The following SORT1 variants were observed in gnomAD, a reference collection of about 807,000 sequenced individuals.
SORT1 encodes sortilin.
SORT1 carries 39 observed loss-of-function variants against 101.7 expected under a neutral mutation model. That is an observed-to-expected ratio of 0.38 (90% CI 0.30 to 0.50). The LOEUF is 0.50. SORT1 is among the 20% of genes least tolerant of loss of function. SORT1 has a pLI of 0.90. For missense variants in SORT1, 878 were observed against 1,040.4 expected (o/e 0.84, Z 2.15); for synonymous variants, 396 against 393.7 (o/e 1.01, Z -0.07).
intron 1 of SORT1, among the ~76,000 whole-genome samples, chr1:109,384,703 G>A (rs965157847): frequency 1.3e-5 from 2 of 152,182 alleles, no homozygotes; most frequent in Non-Finnish European, 2.9e-5. Flanking sequence ...TGGAGGCTGT[G>A]AAGTCCAAGA....
intron 3 of SORT1, among the ~76,000 whole-genome samples, chr1:109,361,014 C>G (rs962770454): frequency 6.6e-6 from 1 of 152,210 alleles, no homozygotes; most frequent in African/African-American, 2.4e-5. Flanking sequence ...ATGCTAATCT[C>G]TTTATCAAAT....
chr1:109,320,796 T>C (rs1288805058), intron 15 of SORT1, among the ~76,000 whole-genome samples: 2 of 152,248 alleles, frequency 1.3e-5, no homozygotes, highest in Non-Finnish European at 2.9e-5. Flanking sequence ...TGGATGCTGC[T>C]TGTATTTCAA....
At position 109,314,782 on chromosome 1, in the gene SORT1, G is replaced by A. The variant is rs1557775582; in HGVS notation, c.2251-4C>T. On this transcript the variant is annotated splice_polypyrimidine_tract_variant and splice_region_variant and intron_variant, in intron 17 of 19. Transcript: ENST00000256637. ...GAACAGAATTTGACTTGGAATTCTTGAGAAATTAAAACACAAACACAAAAG... is the reference window on the plus strand; with the variant it reads ...GAACAGAATTTGACTTGGAATTCTTAAGAAATTAAAACACAAACACAAAAG... The A allele has an allele frequency of 3.8e-6, 6 of 1,571,062 alleles. No individual in the cohort carries two copies. The highest frequency in any genetic ancestry group is 5.3e-6 in the Non-Finnish European group (6 of 1,141,132).
chr1:109,333,929 G>A (rs892950983), intron 11 of SORT1, among the ~76,000 whole-genome samples: 1 of 152,106 alleles, frequency 6.6e-6, no homozygotes, highest in African/African-American at 2.4e-5. Flanking sequence ...GGTGGATCAC[G>A]AGGTCAGGAG....
chr1:109,367,294 A>G (rs1651157647), intron 3 of SORT1, 114 bp downstream of exon 3: 1 of 647,158 alleles, frequency 1.5e-6, no homozygotes, highest in Non-Finnish European at 2.7e-6. Context: ...AAAACTTAGG[A>G]TGGCTAGAAG....
intron 6 of SORT1, among the ~76,000 whole-genome samples, 169 bp from the exon 7 acceptor site, chr1:109,347,701 C>A (rs1649692209): frequency 6.6e-6 from 1 of 152,234 alleles, no homozygotes; most frequent in South Asian, 2.1e-4. Context: ...GCCTGTCAAG[C>A]TCCCCACTGC....
At chr1:109,353,786 C>G (rs1650121083) in intron 5 of SORT1, among the ~76,000 whole-genome samples, 1 of 152,130 alleles carries the variant, frequency 6.6e-6, no homozygotes, top group East Asian at 1.9e-4. Context: ...GTAAAGGAGA[C>G]TGGTCCTCCA....
Position 109,340,849 on chromosome 1 carries a change from T to C in SORT1, c.1139A>G (p.Asp380Gly), listed in dbSNP as rs746746912. The change falls in exon 10 of 20, where the codon GAT (aspartate) becomes GGT (glycine). Residue 380 changes from aspartate to glycine, a missense_variant. By Grantham distance (94) the Asp-to-Gly change is moderately conservative. Coordinates refer to ENST00000256637, the MANE Select transcript of SORT1 (RefSeq NM_002959.7). ...CTTGGAATAGACAATGCCTCGATCA[T>C]CTGAGGTAAAGATTGTGCCAAACCC... is the stretch of plus-strand genomic sequence containing the variant. ...DTGFGTIFTS[D>G]DRGIVYSKSL... 13 of 1,613,666 alleles carry C rather than the reference T, an allele frequency of 8.1e-6. No individual in the cohort carries two copies. Among genetic ancestry groups the C allele is most frequent in the Non-Finnish European group, 1.1e-5 (13 of 1,179,788 alleles).
intron 3 of SORT1, among the ~76,000 whole-genome samples, chr1:109,356,675 C>G (rs2101607924): frequency 6.6e-6 from 1 of 152,322 alleles, no homozygotes; most frequent in South Asian, 2.1e-4. Context: ...CTGTAAGGCA[C>G]TCAGTACATG....
chr1:109,314,471 C>T, intron 18 of SORT1, 87 bp from the exon 19 acceptor site: 2 of 1,464,024 alleles, frequency 1.4e-6, no homozygotes, highest in South Asian at 2.5e-5. Flanking sequence ...GTTTTATACA[C>T]TCAGGAACGC....
chr1:109,315,182 G>A (rs1001779911), intron 17 of SORT1, among the ~76,000 whole-genome samples: 2 of 152,180 alleles, frequency 1.3e-5, no homozygotes, highest in Admixed American at 6.5e-5. Context: ...CTGGGAAGAA[G>A]CTGTGTCAGA....
intron 2 of SORT1, among the ~76,000 whole-genome samples, 189 bp from the exon 3 acceptor site, chr1:109,367,670 T>A (rs1044226321): frequency 6.6e-6 from 1 of 152,226 alleles, no homozygotes; most frequent in Non-Finnish European, 1.5e-5. Flanking sequence ...TTTGTTGGGA[T>A]GATCCCCATT....
chr1:109,395,127 C>G (rs1653116591), intron 1 of SORT1, among the ~76,000 whole-genome samples: 1 of 149,374 alleles, frequency 6.7e-6, no homozygotes, highest in African/African-American at 2.5e-5. Flanking sequence ...AACAAAGGCT[C>G]CACTTTTTTT....
chr1:109,310,035 G>T lies in SORT1; in HGVS notation c.*4008C>A, dbSNP rs1658626716. 6.6e-6 allele frequency: 1 copy of T among 152,518 alleles called. No homozygotes were observed. The highest frequency in any genetic ancestry group is 1.5e-5 in the Non-Finnish European group (1 of 68,016). 9.4% of individuals were successfully genotyped at this position (152,518 alleles called of 1,614,324 possible). A position where few individuals can be genotyped will look rare whatever the true frequency, so the allele number is the denominator to read the frequency against. On this transcript the variant is annotated 3_prime_UTR_variant, in exon 20 of 20. Coordinates refer to ENST00000256637, the MANE Select transcript of SORT1 (RefSeq NM_002959.7). ...CCTAGAGGTCCAAACACAGGAGGTG[G>T]GCCAAATCATCAGGGAACAGTCAGT...
intron 3 of SORT1, among the ~76,000 whole-genome samples, chr1:109,359,226 C>A (rs567156127): frequency 2.0e-5 from 3 of 152,046 alleles, no homozygotes; most frequent in East Asian, 3.9e-4. Context: ...ACAGAAGGGG[C>A]AAGGGAGCTC....
intron 6 of SORT1, among the ~76,000 whole-genome samples, chr1:109,349,904 G>A (rs1053450144): frequency 1.3e-5 from 2 of 152,090 alleles, no homozygotes; most frequent in Admixed American, 6.5e-5. Context: ...GAAACTCTTG[G>A]GATTGTGGGT....
intron 7 of SORT1, among the ~76,000 whole-genome samples, chr1:109,346,823 T>C (rs1465312144): frequency 2.6e-5 from 4 of 152,162 alleles, no homozygotes; most frequent in Non-Finnish European, 5.9e-5. Context: ...TTATCCTATT[T>C]TAAATTGTCT....
intron 1 of SORT1, among the ~76,000 whole-genome samples, chr1:109,371,391 C>T (rs1219391543): frequency 6.6e-6 from 1 of 152,180 alleles, no homozygotes; most frequent in Non-Finnish European, 1.5e-5. Flanking sequence ...ACAGGAACAT[C>T]CAGAGCTACC....
intron 11 of SORT1, among the ~76,000 whole-genome samples, chr1:109,334,569 T>A (rs887989983): frequency 1.3e-5 from 2 of 152,122 alleles, no homozygotes; most frequent in African/African-American, 4.8e-5. Flanking sequence ...ATAGTTTCAG[T>A]TATGCAGGAT....
Sources: gnomAD v4.1 joint callset for allele counts (sites outside exome capture counted in the v4.1 genomes callset) on GRCh38, gnomAD v4.1.1 for gene constraint, MANE v1.5 for transcripts, NCBI Gene and HGNC (gene_info 2026-07-23, HGNC 2026-07-21) for gene names.